Variants in PTN observed in about 807,000 individuals in gnomAD.
PTN encodes the protein pleiotrophin.
A neutral mutation model predicts 24.1 loss-of-function variants in PTN; 18 were observed. The ratio of observed to expected loss-of-function variants is 0.75; its 90% confidence interval spans 0.52 to 1.11. The LOEUF is 1.11. PTN is among the 50% of genes least tolerant of loss of function. PTN has a pLI of 0.00. For missense variants in PTN, 163 were observed against 198.8 expected (o/e 0.82, Z 1.08); for synonymous variants, 78 against 68.6 (o/e 1.14, Z -0.67).
At chr7:137,280,795 C>G (rs1012818585) in intron 1 of PTN, among the ~76,000 whole-genome samples, 5 of 142,392 alleles carry the variant, frequency 3.5e-5, no homozygotes, top group African/African-American at 1.3e-4. Flanking sequence ...TTGGTTAAAC[C>G]TGGGAGGCAG....
In PTN at chr7:137,243,428, A is replaced by T. The variant is rs558988417; in HGVS notation, c.451+7802T>A. On this transcript the variant is annotated intron_variant, in intron 4 of 4. Coordinates refer to ENST00000348225, the MANE Select transcript of PTN (RefSeq NM_002825.7). ...GATTACCCTTGGCAATTTTTTCCCC[A>T]TGGAGTAGCATCAATGCATCATCTA... 2.0e-5 allele frequency among the ~76,000 whole-genome samples: 3 copies of T among 152,234 alleles called. No individual in the cohort carries two copies. In the East Asian group the frequency reaches 5.8e-4, roughly 29 times the overall value.
intron 1 of PTN, among the ~76,000 whole-genome samples, chr7:137,263,862 C>T (rs932584434): frequency 4.6e-5 from 7 of 151,950 alleles, no homozygotes; most frequent in African/African-American, 1.2e-4. Flanking sequence ...CGTCCAGTCC[C>T]GGTGGGATTC....
intron 1 of PTN, among the ~76,000 whole-genome samples, chr7:137,316,027 A>G (rs1810065927): frequency 6.6e-6 from 1 of 152,086 alleles, no homozygotes; most frequent in Non-Finnish European, 1.5e-5. Context: ...TGCTCTGATC[A>G]TTTCTTGTGC....
rs760779128 is a variant in PTN at position 137,280,691 on chromosome 7, T to TAACAAAAAAAAAA, written c.-1-25718_-1-25717insTTTTTTTTTTGTT. On this transcript the variant is annotated intron_variant, in intron 1 of 4. Transcript: ENST00000348225. ...CAACATGGCAAAACCCCGTCTCTAC[T>TAACAAAAAAAAAA]AAAAATACAAAAAAAAAAAAAAAAA... is the stretch of plus-strand genomic sequence containing the variant. Among the ~76,000 whole-genome samples the TAACAAAAAAAAAA allele has an allele frequency of 4.8e-3, 71 of 14,728 alleles. 9 individuals are homozygous for TAACAAAAAAAAAA. The highest frequency in any genetic ancestry group is 7.4e-3 in the African/African-American group (41 of 5,526). The allele number at this position is 14,728 out of a possible 152,430, so 9.7% of individuals were successfully genotyped here.
intron 1 of PTN, among the ~76,000 whole-genome samples, chr7:137,332,607 C>T (rs1004620176): frequency 5.3e-5 from 8 of 152,124 alleles, no homozygotes; most frequent in African/African-American, 1.7e-4. Context: ...ATCTAATAAC[C>T]TACCTGTTTT....
chr7:137,243,004 T>C (rs924325635), intron 4 of PTN, among the ~76,000 whole-genome samples: 3 of 152,234 alleles, frequency 2.0e-5, no homozygotes, highest in Admixed American at 6.5e-5. Flanking sequence ...TGGCACGATC[T>C]TGACTCACTG....
chr7:137,286,178 A>G lies in PTN; in HGVS notation c.-1-31204T>C, dbSNP rs1424066089. Among the ~76,000 whole-genome samples the G allele has an allele frequency of 2.0e-5, 3 of 152,206 alleles. No homozygotes were observed. The East Asian group carries it at 5.8e-4, about 29-fold the overall frequency. On this transcript the variant is annotated intron_variant, in intron 1 of 4. Transcript: ENST00000348225. ...TAGAAGCACCCACAGACTTCACAATACTGATATTAATTAAGATAGATAAAG... is the reference window on the plus strand; with the variant it reads ...TAGAAGCACCCACAGACTTCACAATGCTGATATTAATTAAGATAGATAAAG...
intron 1 of PTN, among the ~76,000 whole-genome samples, chr7:137,329,198 T>C (rs1354862983): frequency 6.6e-6 from 1 of 152,200 alleles, no homozygotes; most frequent in African/African-American, 2.4e-5. Flanking sequence ...AACTGTCCAC[T>C]GTATAGAAAG....
At chr7:137,309,577 C>G (rs1563219844) in intron 1 of PTN, among the ~76,000 whole-genome samples, 1 of 152,182 alleles carries the variant, frequency 6.6e-6, no homozygotes, top group Admixed American at 6.5e-5. Flanking sequence ...TCACACCTTC[C>G]CACTGCTTTA....
chr7:137,297,981 C>A (rs1177383316), intron 1 of PTN, among the ~76,000 whole-genome samples: 1 of 151,996 alleles, frequency 6.6e-6, no homozygotes, highest in African/African-American at 2.4e-5. Flanking sequence ...TGTTCCACAT[C>A]TAACTCTTAT....
At chr7:137,310,594 C>T (rs1355760557) in intron 1 of PTN, among the ~76,000 whole-genome samples, 9 of 151,674 alleles carry the variant, frequency 5.9e-5, no homozygotes, top group South Asian at 2.1e-4. Context: ...TTAGTAGAGA[C>T]GGGGTTTCAC....
At chr7:137,255,003 G>A in intron 1 of PTN, 29 bp from the exon 2 acceptor site, 3 of 1,471,786 alleles carry the variant, frequency 2.0e-6, no homozygotes, top group Non-Finnish European at 9.3e-7. Context: ...AGAGAAGAAG[G>A]TGGCATTAAC....
intron 4 of PTN, among the ~76,000 whole-genome samples, chr7:137,243,667 C>G (rs984776434): frequency 6.6e-6 from 1 of 152,098 alleles, no homozygotes; most frequent in Non-Finnish European, 1.5e-5. Flanking sequence ...TAAGCAGACA[C>G]GCTTAAATGA....
intron 1 of PTN, among the ~76,000 whole-genome samples, chr7:137,262,772 C>T (rs1809065445): frequency 6.6e-6 from 1 of 152,154 alleles, no homozygotes; most frequent in South Asian, 2.1e-4. Context: ...GGAGGTTTCA[C>T]AAGGTCCTTC....
At chr7:137,245,908 T>A (rs1808715375) in intron 4 of PTN, among the ~76,000 whole-genome samples, 1 of 152,250 alleles carries the variant, frequency 6.6e-6, no homozygotes, top group African/African-American at 2.4e-5. Context: ...ACTTTAAGTC[T>A]TATTTTAAAA....
chr7:137,273,231 C>T (rs909402818), intron 1 of PTN, among the ~76,000 whole-genome samples: 6 of 152,128 alleles, frequency 3.9e-5, no homozygotes, highest in African/African-American at 1.4e-4. Flanking sequence ...TAAAAATGGC[C>T]TTGGTAGCCA....
intron 1 of PTN, among the ~76,000 whole-genome samples, chr7:137,295,536 T>A (rs1809706005): frequency 6.6e-6 from 1 of 152,030 alleles, no homozygotes; most frequent in Non-Finnish European, 1.5e-5. Flanking sequence ...GGAGACATGG[T>A]GTAAGTGTAA....
intron 1 of PTN, among the ~76,000 whole-genome samples, chr7:137,266,949 C>T (rs566616167): frequency 7.0e-6 from 1 of 143,476 alleles, no homozygotes; most frequent in South Asian, 2.3e-4. Flanking sequence ...CCGCAGGTTA[C>T]TGGGTTAAGG....
chr7:137,296,256 A>G (rs1809716881), intron 1 of PTN, among the ~76,000 whole-genome samples: 2 of 152,134 alleles, frequency 1.3e-5, no homozygotes, highest in South Asian at 4.1e-4. Flanking sequence ...ATCATCATTT[A>G]TAATAATCAT....
Sources: allele counts gnomAD v4.1 joint callset (sites outside exome capture counted in the v4.1 genomes callset), GRCh38; gene constraint gnomAD v4.1.1; transcripts MANE v1.5; gene names NCBI Gene and HGNC (gene_info 2026-07-23, HGNC 2026-07-21).